Variants in NBAS observed in about 807,000 individuals in gnomAD.
The protein encoded by NBAS is NBAS subunit of NRZ tethering complex, also known as NAG/BC035112 fusion.
NBAS carries 219 observed loss-of-function variants against 302.5 expected under a neutral mutation model. That is an observed-to-expected ratio of 0.72 (90% CI 0.65 to 0.81). The LOEUF (loss-of-function observed/expected upper bound fraction) is 0.81, where lower values mean the gene tolerates loss of function less well. NBAS is among the 30% of genes least tolerant of loss of function. The pLI, the probability that NBAS is intolerant of heterozygous loss-of-function variation, is 0.00. For synonymous variants in NBAS, 1,118 were observed against 1,021.6 expected (o/e 1.09, Z -1.80); for missense variants, 2,932 against 2,841.6 (o/e 1.03, Z -0.72).
chr2:15,250,197 A>G (rs1668297320), intron 44 of NBAS, among the ~76,000 whole-genome samples: 1 of 152,222 alleles, frequency 6.6e-6, no homozygotes, highest in Non-Finnish European at 1.5e-5. Context: ...AACCTGACAG[A>G]AACAAGCAAT....
chr2:14,874,457 T>C, the NBAS span, among the ~76,000 whole-genome samples: 1,644 of 129,446 alleles, frequency 0.013, 30 homozygotes, highest in African/African-American at 0.045. Flanking sequence ...AAACCCCGTC[T>C]CTACTTAAAA....
the NBAS span, among the ~76,000 whole-genome samples, chr2:15,145,741 C>T: frequency 2.0e-5 from 3 of 152,126 alleles, no homozygotes; most frequent in African/African-American, 7.2e-5. Flanking sequence ...GGTACACCAA[C>T]CAGTAGCCTC....
chr2:15,385,413 G>A (rs1220107432), intron 28 of NBAS, among the ~76,000 whole-genome samples: 1 of 152,150 alleles, frequency 6.6e-6, no homozygotes, highest in Non-Finnish European at 1.5e-5. Context: ...TGGGGCAGAT[G>A]GTACTAATGT....
At chr2:15,039,298 G>A in the NBAS span, among the ~76,000 whole-genome samples, 3,793 of 152,302 alleles carry the variant, frequency 0.025, 149 homozygotes, top group African/African-American at 0.085. Context: ...AAATGGGGAT[G>A]TCTGGAAGCC....
At chr2:15,335,940 T>TA (rs1375143839) in intron 35 of NBAS, among the ~76,000 whole-genome samples, 2 of 151,896 alleles carry the variant, frequency 1.3e-5, no homozygotes, top group African/African-American at 2.4e-5. Context: ...AAATAAAAAA[T>TA]AAAAAATTAC....
chr2:14,998,612 G>A, the NBAS span, among the ~76,000 whole-genome samples: 1 of 152,188 alleles, frequency 6.6e-6, no homozygotes, highest in Non-Finnish European at 1.5e-5. Context: ...TACTCTGGGG[G>A]ATTCATGTCC....
intron 11 of NBAS, among the ~76,000 whole-genome samples, chr2:15,494,881 T>C (rs1681007388): frequency 6.6e-6 from 1 of 152,150 alleles, no homozygotes; most frequent in African/African-American, 2.4e-5. Context: ...ATTCTGCATT[T>C]TTACCCCCCT....
chr2:15,388,151 G>A (rs1165859782), intron 28 of NBAS, among the ~76,000 whole-genome samples: 1 of 152,046 alleles, frequency 6.6e-6, no homozygotes, highest in Non-Finnish European at 1.5e-5. Context: ...TAAACATGAG[G>A]TATTCCTCCA....
At chr2:15,338,684 C>G (rs906318844) in intron 35 of NBAS, among the ~76,000 whole-genome samples, 1 of 149,982 alleles carries the variant, frequency 6.7e-6, no homozygotes, top group East Asian at 2.0e-4. Context: ...TACACACACA[C>G]ACACACACAC....
At chr2:15,131,698 T>C in the NBAS span, among the ~76,000 whole-genome samples, 8 of 152,166 alleles carry the variant, frequency 5.3e-5, no homozygotes, top group Non-Finnish European at 2.9e-5. Context: ...TGCATTGCCA[T>C]AAAGAAATAC....
chr2:15,076,330 T>A, the NBAS span, among the ~76,000 whole-genome samples: 4 of 152,254 alleles, frequency 2.6e-5, no homozygotes, highest in African/African-American at 4.8e-5. Context: ...TAGGACCTAG[T>A]GTTTCTCAGA....
chr2:15,388,214 T>C (rs529019880), intron 28 of NBAS, among the ~76,000 whole-genome samples: 2 of 152,314 alleles, frequency 1.3e-5, no homozygotes, highest in South Asian at 2.1e-4. Flanking sequence ...TTCATATATA[T>C]ACTTTTGCAT....
At chr2:14,836,984 A>T in the NBAS span, among the ~76,000 whole-genome samples, 1 of 151,946 alleles carries the variant, frequency 6.6e-6, no homozygotes, top group South Asian at 2.1e-4. Context: ...TATAAAAATA[A>T]ATGCCTTTTA....
At chr2:15,463,311 G>A (rs778995064) in intron 19 of NBAS, among the ~76,000 whole-genome samples, 1 of 152,112 alleles carries the variant, frequency 6.6e-6, no homozygotes, top group Non-Finnish European at 1.5e-5. Flanking sequence ...CCTCATGCAT[G>A]ACAATTATTT....
chr2:14,897,380 T>A, the NBAS span, among the ~76,000 whole-genome samples: 1 of 152,190 alleles, frequency 6.6e-6, no homozygotes, highest in African/African-American at 2.4e-5. Flanking sequence ...GTATACTGTG[T>A]TTTTCTCTAG....
At chr2:15,330,148 A>G (rs1405459073) in intron 36 of NBAS, among the ~76,000 whole-genome samples, 1 of 152,144 alleles carries the variant, frequency 6.6e-6, no homozygotes, top group African/African-American at 2.4e-5. Context: ...AGATTAAAGG[A>G]CTGCAGTATG....
At chr2:15,105,611 G>A in the NBAS span, among the ~76,000 whole-genome samples, 6 of 152,050 alleles carry the variant, frequency 3.9e-5, no homozygotes, top group Non-Finnish European at 7.4e-5. Flanking sequence ...CAGGACCAAC[G>A]ACAGAGCTCC....
Position 15,424,379 on chromosome 2 carries a change from G to T in NBAS, c.2513C>A (p.Thr838Lys). ...ATACCAGTCCATAACCTTCTCCACC[G>T]TAAGCTGGGTCATCCTGAACCTTAG... ...ELLRFRMTQL[T>K]VEKVMDWYQT... The change falls in exon 23 of 52, where the codon ACG (threonine) becomes AAG (lysine). Residue 838 changes from threonine (T) to lysine (K), a missense_variant. Physicochemically the swap from Thr to Lys is moderately conservative, Grantham distance 78. Coordinates refer to ENST00000281513, the MANE Select transcript of NBAS (RefSeq NM_015909.4). 6.2e-7 allele frequency: 1 copy of T among 1,614,004 alleles called. No individual in the cohort carries two copies. The highest frequency in any genetic ancestry group is 1.3e-5 in the African/African-American group (1 of 74,980).
chr2:15,240,340 C>CCT (rs1667804672), intron 44 of NBAS, among the ~76,000 whole-genome samples: 1 of 151,342 alleles, frequency 6.6e-6, no homozygotes, highest in Non-Finnish European at 1.5e-5. Flanking sequence ...GCTGACAGGA[C>CCT]GCCTGTCATC....
Sources: allele counts gnomAD v4.1 joint callset (sites outside exome capture counted in the v4.1 genomes callset), GRCh38; gene constraint gnomAD v4.1.1; transcripts MANE v1.5; gene names NCBI Gene and HGNC (gene_info 2026-07-23, HGNC 2026-07-21).